Variants in CACNA1B observed in about 807,000 individuals in gnomAD.
CACNA1B encodes the protein voltage-dependent N-type calcium channel subunit alpha-1B.
CACNA1B carries 70 observed loss-of-function variants against 247.2 expected under a neutral mutation model. The ratio of observed to expected loss-of-function variants is 0.28; its 90% CI spans 0.23 to 0.35. CACNA1B has a LOEUF of 0.35. CACNA1B is among the 10% of genes least tolerant of loss of function. The pLI is 1.00. For synonymous variants in CACNA1B, 1,231 were observed against 1,294.4 expected (o/e 0.95, Z 1.05); for missense variants, 2,367 against 3,197.4 (o/e 0.74, Z 6.26).
intron 26 of CACNA1B, among the ~76,000 whole-genome samples, chr9:138,056,191 C>T (rs1959490585): frequency 6.6e-6 from 1 of 152,120 alleles, no homozygotes; most frequent in Non-Finnish European, 1.5e-5. Context: ...AACACATTTT[C>T]AGCACCTCAA....
chr9:138,082,747 G>A (rs1330502683), intron 36 of CACNA1B, among the ~76,000 whole-genome samples: 1 of 151,144 alleles, frequency 6.6e-6, no homozygotes, highest in African/African-American at 2.5e-5. Context: ...CAGCAAGATG[G>A]CTGACCTTCC....
intron 20 of CACNA1B, among the ~76,000 whole-genome samples, chr9:138,041,914 C>G (rs773921253): frequency 2.6e-5 from 4 of 152,048 alleles, no homozygotes; most frequent in Non-Finnish European, 5.9e-5. Flanking sequence ...GCCAACACAC[C>G]CTAATTTTTT....
At chr9:137,920,522 A>T (rs1957465596) in intron 6 of CACNA1B, among the ~76,000 whole-genome samples, 1 of 152,226 alleles carries the variant, frequency 6.6e-6, no homozygotes, top group African/African-American at 2.4e-5. Context: ...GCCGAGTTGA[A>T]ACTGTATTTT....
At position 137,955,888 on chromosome 9, in the gene CACNA1B, C is replaced by A; in HGVS notation, c.1186+75C>A. The A allele has an allele frequency of 1.0e-6, 1 of 1,002,656 alleles. No individual in the cohort carries two copies. The highest frequency in any genetic ancestry group is 1.5e-6 in the Non-Finnish European group (1 of 649,208). The allele number at this position is 1,002,656 out of a possible 1,614,324, so 62.1% of individuals were successfully genotyped here. ...TCTGTCCCCAATTCTGCTCTGCTGC[C>A]AGCTGGGGTGCCCTGGCTGCTGGGT... is the stretch of plus-strand genomic sequence containing the variant. On this transcript the variant is annotated intron_variant, in intron 8 of 46. Transcript: ENST00000371372. The surrounding 1 kb of genome is among the most constrained non-coding windows in gnomAD (Gnocchi z 6.9).
Position 138,102,828 on chromosome 9 carries a change from C to T in CACNA1B, c.5319+21C>T. The T allele has an allele frequency of 1.3e-6, 2 of 1,517,440 alleles. No homozygotes were observed. Among genetic ancestry groups the T allele is most frequent in the Non-Finnish European group, 1.8e-6 (2 of 1,096,538 alleles). The allele number at this position is 1,517,440 out of a possible 1,614,324, so 94.0% of individuals were successfully genotyped here. Reference sequence around the variant, plus strand: ...ACAAGGTAGACCCTGACCCTGCAACCCGCCCCCCAGGAGGCTGTGTGTGCT... The same window carrying T: ...ACAAGGTAGACCCTGACCCTGCAACTCGCCCCCCAGGAGGCTGTGTGTGCT... On this transcript the variant is annotated intron_variant, in intron 38 of 46. Transcript: ENST00000371372. The surrounding 1 kb of genome is among the most constrained non-coding windows in gnomAD (Gnocchi z 5.4).
At chr9:137,997,669 A>G (rs748863896) in intron 15 of CACNA1B, among the ~76,000 whole-genome samples, 4 of 152,232 alleles carry the variant, frequency 2.6e-5, no homozygotes, top group African/African-American at 4.8e-5. Flanking sequence ...ATCTAACAAT[A>G]TTAAGATTTA....
At chr9:137,948,670 G>A (rs1277311190) in intron 6 of CACNA1B, among the ~76,000 whole-genome samples, 2 of 151,786 alleles carry the variant, frequency 1.3e-5, no homozygotes, top group Non-Finnish European at 2.9e-5. Flanking sequence ...TGTGTGTTGT[G>A]TCTGGTGTGT....
At position 137,955,637 on chromosome 9, in the gene CACNA1B, G is replaced by A; in HGVS notation, c.1071-61G>A. On this transcript the variant is annotated intron_variant, in intron 7 of 46. Coordinates refer to ENST00000371372, the MANE Select transcript of CACNA1B (RefSeq NM_000718.4). The surrounding 1 kb of genome is among the most constrained non-coding windows in gnomAD (Gnocchi z 6.9). Reference sequence around the variant, plus strand: ...TTTCCCTGGTCCTTTTTGTCTCTGGGGCTGCACACCTGTGGGGCTTGCACT... The same window carrying A: ...TTTCCCTGGTCCTTTTTGTCTCTGGAGCTGCACACCTGTGGGGCTTGCACT... 6.3e-6 allele frequency: 7 copies of A among 1,103,684 alleles called. No homozygotes were observed. The highest frequency in any genetic ancestry group is 8.0e-6 in the Non-Finnish European group (6 of 745,724). The allele number at this position is 1,103,684 out of a possible 1,614,324, so 68.4% of individuals were successfully genotyped here. A position where few individuals can be genotyped will look rare whatever the true frequency, so the allele number is the denominator to read the frequency against.
intron 37 of CACNA1B, among the ~76,000 whole-genome samples, chr9:138,099,255 G>T (rs1389606584): frequency 6.6e-6 from 1 of 152,152 alleles, no homozygotes; most frequent in African/African-American, 2.4e-5. Flanking sequence ...ATGTCTACAT[G>T]TGTGTTTTGT....
In CACNA1B at chr9:138,006,847, G is replaced by C. The variant is rs201000167; in HGVS notation, c.2055G>C (p.Ser685=). The change falls in exon 16 of 47, where the codon TCG becomes TCC. Residue 685 remains serine (S), a synonymous_variant. Coordinates refer to ENST00000371372, the MANE Select transcript of CACNA1B (RefSeq NM_000718.4). ...SQGGVSKGMF[S]SFYFIVLTLF... is the part of the protein sequence containing the mutation. ...GCGGCGTCAGCAAAGGCATGTTCTC[G>C]TCCTTTTACTTCATTGTCCTGACAC... The C allele has an allele frequency of 6.2e-7, 1 of 1,606,838 alleles. No homozygotes were observed. The highest frequency in any genetic ancestry group is 8.5e-7 in the Non-Finnish European group (1 of 1,173,654).
intron 18 of CACNA1B, among the ~76,000 whole-genome samples, chr9:138,021,806 C>T (rs941159218): frequency 2.0e-5 from 3 of 152,320 alleles, no homozygotes; most frequent in African/African-American, 4.8e-5. Flanking sequence ...GTGGGCACTG[C>T]GCCCAGAGCA....
At chr9:138,090,300 G>T (rs1960832856) in intron 36 of CACNA1B, among the ~76,000 whole-genome samples, 1 of 152,054 alleles carries the variant, frequency 6.6e-6, no homozygotes, top group Non-Finnish European at 1.5e-5. Flanking sequence ...AACATTTATT[G>T]GAGCAGGACA....
chr9:138,008,154 T>C (rs1293511132), intron 16 of CACNA1B, among the ~76,000 whole-genome samples: 1 of 152,140 alleles, frequency 6.6e-6, no homozygotes, highest in Non-Finnish European at 1.5e-5. Flanking sequence ...TGGGTGGCCC[T>C]GGGGCTGGCA....
At chr9:138,040,768 C>T in intron 20 of CACNA1B, 1 of 183,938 alleles carries the variant, frequency 5.4e-6, no homozygotes, top group Non-Finnish European at 1.2e-5. Context: ...GTCTGCCTTC[C>T]GCAGCCCACT....
At chr9:137,921,805 A>G (rs553919655) in intron 6 of CACNA1B, among the ~76,000 whole-genome samples, 1 of 147,642 alleles carries the variant, frequency 6.8e-6, no homozygotes, top group East Asian at 2.1e-4. Flanking sequence ...AAGCGTTCGG[A>G]GAACACGATC....
intron 36 of CACNA1B, among the ~76,000 whole-genome samples, chr9:138,080,664 TGAAG>T (rs948678947): frequency 1.4e-4 from 21 of 152,058 alleles, no homozygotes; most frequent in Admixed American, 1.2e-3. Flanking sequence ...AAGTTTTTCA[TGAAG>T]GAAGGGGAAA....
intron 15 of CACNA1B, among the ~76,000 whole-genome samples, chr9:138,004,579 C>G (rs1301316472): frequency 6.6e-6 from 1 of 151,538 alleles, no homozygotes; most frequent in Non-Finnish European, 1.5e-5. Flanking sequence ...ATGGAGAAAC[C>G]TCAAAGCTGT....
chr9:138,108,308 CAAAAAAA>C (rs935431476), intron 39 of CACNA1B, among the ~76,000 whole-genome samples: 2 of 44,092 alleles, frequency 4.5e-5, no homozygotes, highest in Non-Finnish European at 9.6e-5. Context: ...AACCCCATCT[CAAAAAAA>C]AAAAAAAAAA....
At chr9:137,932,020 A>G (rs1957613614) in intron 6 of CACNA1B, among the ~76,000 whole-genome samples, 1 of 152,168 alleles carries the variant, frequency 6.6e-6, no homozygotes, top group South Asian at 2.1e-4. Flanking sequence ...TAGTTGACAT[A>G]AAAACAGCAT....
Sources: allele counts gnomAD v4.1 joint callset (sites outside exome capture counted in the v4.1 genomes callset), GRCh38; gene constraint gnomAD v4.1.1; non-coding constraint Gnocchi (gnomAD v3.1); transcripts MANE v1.5; gene names NCBI Gene and HGNC (gene_info 2026-07-23, HGNC 2026-07-21).